AHCYL1: variants seen among roughly 807,000 people sequenced by gnomAD.
AHCYL1 encodes the protein S-adenosylhomocysteine hydrolase-like protein 1.
In AHCYL1, 20 loss-of-function variants were observed where a neutral mutation model predicts 79.3. The observed-to-expected ratio is 0.25, with a 90% CI of 0.18 to 0.37. The LOEUF is 0.37. Among genes scored for constraint, AHCYL1 ranks in the 10% least tolerant of loss-of-function variants. The pLI, the probability that AHCYL1 is intolerant of heterozygous loss-of-function variation, is 1.00. For synonymous variants in AHCYL1, 223 were observed against 242.2 expected, an observed-to-expected ratio of 0.92 and a Z score of 0.74; for missense variants, 330 against 673.6, an observed-to-expected ratio of 0.49 and a Z score of 5.65.
At chr1:109,996,905 T>A (rs1044882582) in intron 1 of AHCYL1, among the ~76,000 whole-genome samples, 1 of 152,204 alleles carries the variant, frequency 6.6e-6, no homozygotes, top group African/African-American at 2.4e-5. Context: ...CTAGAAGACT[T>A]GTCTAGATTT....
chr1:110,005,450 G>C (rs1433116527), intron 1 of AHCYL1, among the ~76,000 whole-genome samples: 4 of 152,142 alleles, frequency 2.6e-5, no homozygotes, highest in Non-Finnish European at 5.9e-5. Context: ...ACTATACTGT[G>C]GGTCAAAACA....
At chr1:110,017,016 A>G (rs751322036) in intron 9 of AHCYL1, among the ~76,000 whole-genome samples, 38 of 152,214 alleles carry the variant, frequency 2.5e-4, no homozygotes, top group African/African-American at 8.9e-4. Flanking sequence ...AAGTGAATAT[A>G]TAGCATTTTA....
At chr1:110,015,093 C>G (rs1370708667) in intron 6 of AHCYL1, among the ~76,000 whole-genome samples, 1 of 152,152 alleles carries the variant, frequency 6.6e-6, no homozygotes, top group Admixed American at 6.5e-5. Flanking sequence ...AGTGGTGCTT[C>G]TTTGGAGTAG....
chr1:110,016,244 C>T, intron 7 of AHCYL1, 100 bp from the exon 8 acceptor site: 1 of 726,946 alleles, frequency 1.4e-6, no homozygotes, highest in East Asian at 2.6e-5. Context: ...CTGGGAAGGG[C>T]AGCATGGAAC....
At position 110,015,434 on chromosome 1, in the gene AHCYL1, G is replaced by C. The variant is rs1651355170; in HGVS notation, c.685G>C (p.Asp229His). The C allele has an allele frequency of 6.2e-7, 1 of 1,614,034 alleles. No homozygotes were observed. Among genetic ancestry groups the C allele is most frequent in the Non-Finnish European group, 8.5e-7 (1 of 1,179,878 alleles). Residue 229 changes from aspartate to histidine, a missense_variant, in exon 7 of 17, where the codon GAT becomes CAT. Coordinates refer to ENST00000369799, the MANE Select transcript of AHCYL1 (RefSeq NM_006621.7). ...TCTGGCTGTTCTATAGATCCTGGAT[G>C]ATGGGGGAGACTTAACCCACTGGGT... The part of the protein sequence containing the change: ...DGWQANMILD[D>H]GGDLTHWVYK...
At chr1:109,990,003 A>G (rs2101691480) in intron 1 of AHCYL1, among the ~76,000 whole-genome samples, 1 of 152,352 alleles carries the variant, frequency 6.6e-6, no homozygotes, top group South Asian at 2.1e-4. Context: ...GTAAGCAGTT[A>G]ATAAAAATTC....
intron 3 of AHCYL1, 152 bp downstream of exon 3, chr1:110,011,509 G>A: frequency 9.2e-7 from 1 of 1,085,626 alleles, no homozygotes; most frequent in Middle Eastern, 3.2e-4. Context: ...CTCTCTCTAT[G>A]GAACTTAAGT....
At chr1:110,020,670 G>A (rs1651741573) in intron 15 of AHCYL1, 61 bp from the exon 16 acceptor site, 2 of 1,514,546 alleles carry the variant, frequency 1.3e-6, no homozygotes, top group Admixed American at 4.5e-5. Context: ...AAAATGGGAA[G>A]TTATAACTTG....
chr1:110,017,381 A>T, intron 9 of AHCYL1, 114 bp from the exon 10 acceptor site: 1 of 913,190 alleles, frequency 1.1e-6, no homozygotes, highest in Non-Finnish European at 1.7e-6. Context: ...GCAGCTGCTC[A>T]CCAGATGACA....
At chr1:109,991,154 G>A (rs1402157555) in intron 1 of AHCYL1, among the ~76,000 whole-genome samples, 2 of 152,242 alleles carry the variant, frequency 1.3e-5, no homozygotes, top group Non-Finnish European at 2.9e-5. Context: ...CTTAATCTCA[G>A]AATGTAGATA....
rs1416848638 is a variant in AHCYL1, at chr1:110,014,816, A to G, written c.634A>G (p.Ile212Val). The G allele has an allele frequency of 1.2e-6, 2 of 1,614,114 alleles. No individual in the cohort carries two copies. The highest frequency in any genetic ancestry group is 1.7e-6 in the Non-Finnish European group (2 of 1,180,040). Residue 212 changes from isoleucine (I) to valine (V), a missense_variant, in exon 6 of 17, where the codon ATT becomes GTT. Physicochemically the swap from Ile to Val is conservative, Grantham distance 29. This residue lies in a region of AHCYL1 where 25 missense variants were observed against 27.7 expected (regional missense o/e 0.90). Coordinates refer to ENST00000369799, the MANE Select transcript of AHCYL1 (RefSeq NM_006621.7). ...GESEDDFWWC[I>V]DRCVNMDGWQ... is the part of the protein sequence containing the mutation. ...GTCAGAAGATGACTTCTGGTGGTGT[A>G]TTGACCGCTGTGTGAACATGGATGG...
At position 109,990,814 on chromosome 1, in the gene AHCYL1, C is replaced by G. The variant is rs146254138; in HGVS notation, c.120+5642C>G. Among the ~76,000 whole-genome samples the G allele has an allele frequency of 2.4e-3, 359 of 152,256 alleles. 1 individual carries two copies. Among genetic ancestry groups the G allele is most frequent in the Non-Finnish European group, 4.0e-3 (271 of 68,030 alleles). On this transcript the variant is annotated intron_variant, in intron 1 of 16. Coordinates refer to ENST00000369799, the MANE Select transcript of AHCYL1 (RefSeq NM_006621.7). ...CCAGTCTCAGTCCAGGAGTTTATTT[C>G]CTTAAACTTCAGGTGTTTGGGGTTT...
At chr1:110,018,517 A>G in intron 12 of AHCYL1, 35 bp from the exon 13 acceptor site, 2 of 1,613,942 alleles carry the variant, frequency 1.2e-6, no homozygotes, top group Non-Finnish European at 1.7e-6. Context: ...ACCTTTCATT[A>G]ATAACCATAG....
intron 1 of AHCYL1, chr1:109,995,728 C>T (rs576511249): frequency 8.9e-5 from 87 of 978,540 alleles, no homozygotes; most frequent in Middle Eastern, 1.0e-3. Flanking sequence ...AGGGTTTTTT[C>T]GCAATAACTC....
rs780574452 is a variant in AHCYL1 at position 109,985,104 on chromosome 1, C to G, written c.52C>G (p.Gln18Glu). 14 of 1,610,454 alleles carry G rather than the reference C, an allele frequency of 8.7e-6. No homozygotes were observed. The highest frequency in any genetic ancestry group is 8.5e-7 in the Non-Finnish European group (1 of 1,178,826). ...GCCCGGGGTCGGGGAGGAGCTGAAG[C>G]AGGCCAAGGAGATCGAGGACGCCGA... ...PLPGVGEELK[Q>E]AKEIEDAEKY... Residue 18 changes from glutamine to glutamate, a missense_variant, in exon 1 of 17, where the codon CAG (glutamine) becomes GAG (glutamate). Gln to Glu is a conservative substitution (Grantham distance 29). This residue lies in a region of AHCYL1 where 66 missense variants were observed against 68.0 expected (regional missense o/e 0.97). Transcript: ENST00000369799.
At chr1:110,019,509 A>T (rs369135854) in intron 14 of AHCYL1, 39 bp from the exon 15 acceptor site, 8 of 1,554,636 alleles carry the variant, frequency 5.1e-6, no homozygotes, top group Non-Finnish European at 7.0e-6. Flanking sequence ...CTGTCTAAGA[A>T]ATATTTTTGT....
At chr1:110,012,250 A>C in intron 3 of AHCYL1, 112 bp from the exon 4 acceptor site, 2 of 877,104 alleles carry the variant, frequency 2.3e-6, no homozygotes, top group Non-Finnish European at 3.5e-6. Context: ...AAATAGGCTT[A>C]AAGTTTTTCT....
At chr1:109,996,248 C>T (rs1159980179) in intron 1 of AHCYL1, among the ~76,000 whole-genome samples, 1 of 152,144 alleles carries the variant, frequency 6.6e-6, no homozygotes, top group Non-Finnish European at 1.5e-5. Flanking sequence ...TACCAACTCT[C>T]CTGGATGATT....
At position 110,017,597 on chromosome 1, in the gene AHCYL1, GATA is replaced by G; in HGVS notation, c.1052+18_1052+20del. Reference sequence around the variant, plus strand: ...TCTGCAGGCCTGGTAAGAACAGAGTGATAATACTATTAGATTCACTCTAGGTGC... The same window carrying G: ...TCTGCAGGCCTGGTAAGAACAGAGTGATACTATTAGATTCACTCTAGGTGC... On this transcript the variant is annotated intron_variant, in intron 10 of 16. Transcript: ENST00000369799. 1 of 1,609,850 alleles carries G rather than the reference GATA, an allele frequency of 6.2e-7. No individual in the cohort carries two copies. Among genetic ancestry groups the G allele is most frequent in the East Asian group, 2.2e-5 (1 of 44,856 alleles).
Sources: gnomAD v4.1 joint callset for allele counts (sites outside exome capture counted in the v4.1 genomes callset) on GRCh38, gnomAD v4.1.1 for gene constraint, gnomAD v4.1.1 regional missense constraint, MANE v1.5 for transcripts, NCBI Gene and HGNC (gene_info 2026-07-23, HGNC 2026-07-21) for gene names.